ARHGAP8: variants seen among roughly 807,000 people sequenced by gnomAD.
ARHGAP8 encodes rho GTPase-activating protein 8.
Under a neutral mutation model 46.1 loss-of-function variants are expected in ARHGAP8, and 62 were observed. The ratio of observed to expected loss-of-function variants is 1.34; its 90% confidence interval spans 1.10 to 1.66. ARHGAP8 has a LOEUF of 1.66. Ranked by LOEUF, ARHGAP8 falls within the 40% of genes most tolerant of loss-of-function variation. The probability of loss-of-function intolerance (pLI) is 0.00; values close to 1 mark genes in which losing one functional copy is unlikely to be tolerated. For synonymous variants in ARHGAP8, 375 were observed against 243.1 expected (o/e 1.54, Z -5.05); for missense variants, 923 against 568.4 (o/e 1.62, Z -6.34).
intron 1 of ARHGAP8, among the ~76,000 whole-genome samples, chr22:44,781,580 A>G (rs981535650): frequency 6.6e-6 from 1 of 152,092 alleles, no homozygotes; most frequent in African/African-American, 2.4e-5. Flanking sequence ...CTGGAGTGCG[A>G]TGGCGCGATC....
intron 7 of ARHGAP8, among the ~76,000 whole-genome samples, chr22:44,827,531 C>T (rs536304180): frequency 4.6e-5 from 7 of 151,820 alleles, no homozygotes; most frequent in Admixed American, 2.0e-4. Context: ...TTAGTAGAAA[C>T]GGGGTTTCAC....
intron 3 of ARHGAP8, among the ~76,000 whole-genome samples, chr22:44,807,316 C>T (rs1043524144): frequency 1.8e-4 from 28 of 152,154 alleles, no homozygotes; most frequent in African/African-American, 6.5e-4. Flanking sequence ...CCCTTTCCCA[C>T]AGGTGACATG....
intron 10 of ARHGAP8, among the ~76,000 whole-genome samples, chr22:44,854,422 C>T (rs995859316): frequency 2.0e-5 from 3 of 151,452 alleles, no homozygotes; most frequent in Non-Finnish European, 4.4e-5. Context: ...TTAGTAGAGA[C>T]GGGCTTCACC....
At chr22:44,846,534 G>C (rs530400608) in intron 8 of ARHGAP8, among the ~76,000 whole-genome samples, 27 of 152,316 alleles carry the variant, frequency 1.8e-4, no homozygotes, top group African/African-American at 6.3e-4. Context: ...ACGATGCTCA[G>C]CTGGCAGGTG....
chr22:44,857,743 C>T (rs2070271019), intron 10 of ARHGAP8, among the ~76,000 whole-genome samples: 1 of 152,172 alleles, frequency 6.6e-6, no homozygotes, highest in Admixed American at 6.5e-5. Flanking sequence ...GTCCTCGAGG[C>T]CCAGCCTCCC....
At chr22:44,828,915 C>G (rs754846161) in intron 7 of ARHGAP8, among the ~76,000 whole-genome samples, 3 of 151,902 alleles carry the variant, frequency 2.0e-5, no homozygotes, top group African/African-American at 2.4e-5. Flanking sequence ...CCACGCCTTT[C>G]TCGTCTCTTA....
rs1371210026 is a variant in ARHGAP8, at chr22:44,802,113, G to A, written c.116G>A (p.Ser39Asn). 6.2e-7 allele frequency: 1 copy of A among 1,614,048 alleles called. No homozygotes were observed. Among genetic ancestry groups the A allele is most frequent in the African/African-American group, 1.3e-5 (1 of 74,938 alleles). Residue 39 changes from serine (S) to asparagine (N), a missense_variant, in exon 3 of 12, where the codon AGC becomes AAC. Physicochemically the swap from Ser to Asn is conservative, Grantham distance 46. Transcript: ENST00000356099. ...DRFGRRVVTF[S>N]CCRMPPSHEL... is the part of the protein sequence containing the mutation. ...TTTGGAAGACGTGTTGTCACGTTCA[G>A]CTGCTGCCGGATGCCACCCTCCCAC...
intron 4 of ARHGAP8, chr22:44,809,388 G>C: frequency 2.8e-6 from 1 of 356,000 alleles, no homozygotes; most frequent in Non-Finnish European, 5.6e-6. Context: ...TCCCACCCCT[G>C]GTCCAGTGAA....
At chr22:44,812,043 A>G (rs962687139) in intron 4 of ARHGAP8, among the ~76,000 whole-genome samples, 2 of 150,774 alleles carry the variant, frequency 1.3e-5, no homozygotes, top group African/African-American at 4.9e-5. Context: ...TCAGTCGGCC[A>G]TTGCCACACC....
intron 7 of ARHGAP8, among the ~76,000 whole-genome samples, chr22:44,835,329 G>C (rs1005093446): frequency 1.3e-5 from 2 of 151,922 alleles, no homozygotes; most frequent in Admixed American, 6.6e-5. Flanking sequence ...TAATTAAGAA[G>C]GATTGTGGAG....
chr22:44,793,905 A>G lies in ARHGAP8; in HGVS notation c.79+7299A>G, dbSNP rs143765590. Among the ~76,000 whole-genome samples the G allele has an allele frequency of 3.5e-3, 536 of 152,346 alleles. 5 individuals carry two copies. The highest frequency in any genetic ancestry group is 0.012 in the African/African-American group (510 of 41,582). ...TTACTCATATTGACTGATGGCATCAACACAGATGCGGCATTGATGGCTTAA... is the reference window on the plus strand; with the variant it reads ...TTACTCATATTGACTGATGGCATCAGCACAGATGCGGCATTGATGGCTTAA... On this transcript the variant is annotated intron_variant, in intron 2 of 11. Transcript: ENST00000356099.
intron 6 of ARHGAP8, among the ~76,000 whole-genome samples, chr22:44,822,882 C>T (rs559168304): frequency 6.6e-5 from 10 of 152,314 alleles, no homozygotes; most frequent in Middle Eastern, 3.4e-3. Context: ...GACCTGTCTC[C>T]TGGATGCTGA....
At chr22:44,861,593 C>T (rs555506300) in intron 11 of ARHGAP8, among the ~76,000 whole-genome samples, 3 of 152,282 alleles carry the variant, frequency 2.0e-5, no homozygotes, top group African/African-American at 7.2e-5. Flanking sequence ...GCCTCATGAC[C>T]CCTGTTTCTG....
chr22:44,801,490 T>C (rs13054279), intron 2 of ARHGAP8, among the ~76,000 whole-genome samples: 1,185 of 51,008 alleles, frequency 0.023, 28 homozygotes, highest in Middle Eastern at 0.068. Context: ...CGCAGCTGTC[T>C]ATGTGTGGGG....
At chr22:44,853,462 T>C (rs1378102814) in intron 10 of ARHGAP8, among the ~76,000 whole-genome samples, 2 of 151,962 alleles carry the variant, frequency 1.3e-5, no homozygotes, top group Admixed American at 6.6e-5. Flanking sequence ...TAGCCAGATA[T>C]TGGAGGAAAG....
chr22:44,753,750 T>C (rs1924445053), intron 1 of ARHGAP8, among the ~76,000 whole-genome samples: 1 of 152,088 alleles, frequency 6.6e-6, no homozygotes, highest in South Asian at 2.1e-4. Context: ...GTGGGATTGT[T>C]TGGCGGGATG....
rs7510897 is a variant in ARHGAP8 at position 44,859,700 on chromosome 22, G to T, written c.878-31G>T. On this transcript the variant is annotated intron_variant, in intron 10 of 11. Transcript: ENST00000356099. The stretch of plus-strand genomic sequence containing the variant: ...TGCAGCGCTGCCCCTGGCCCCTCTG[G>T]AGCTCAGCAGGGAGCCCCATGCCCT... 1.6e-5 allele frequency: 25 copies of T among 1,609,034 alleles called. No individual in the cohort carries two copies. In the African/African-American group the frequency reaches 2.9e-4, roughly 19 times the overall value.
rs1242921832 is a variant in ARHGAP8 at position 44,862,333 on chromosome 22, G to A, written c.1040G>A (p.Gly347Glu). The A allele has an allele frequency of 2.5e-6, 4 of 1,613,814 alleles. No individual in the cohort carries two copies. Among genetic ancestry groups the A allele is most frequent in the African/African-American group, 1.3e-5 (1 of 74,916 alleles). ...MNSSNLACVF[G>E]LNLIWPSQGV... Reference sequence around the variant, plus strand: ...AGCTCTAACCTGGCCTGTGTCTTCGGGCTGAATTTGATCTGGCCATCCCAG... The same window carrying A: ...AGCTCTAACCTGGCCTGTGTCTTCGAGCTGAATTTGATCTGGCCATCCCAG... The change falls in exon 12 of 12, where the codon GGG becomes GAG. Residue 347 changes from glycine (G) to glutamate (E), a missense_variant. By Grantham distance (98) the Gly-to-Glu change is moderately conservative (BLOSUM62 -2). Transcript: ENST00000356099.
At chr22:44,821,248 G>C (rs962692414) in intron 5 of ARHGAP8, among the ~76,000 whole-genome samples, 2 of 152,168 alleles carry the variant, frequency 1.3e-5, no homozygotes, top group Middle Eastern at 3.4e-3. Context: ...TGGCTAACAT[G>C]TTGAAACCCC....
Sources: gnomAD v4.1 joint callset for allele counts (sites outside exome capture counted in the v4.1 genomes callset) on GRCh38, gnomAD v4.1.1 for gene constraint, MANE v1.5 for transcripts, NCBI Gene and HGNC (gene_info 2026-07-23, HGNC 2026-07-21) for gene names.